The following KCNH8 variants were observed in gnomAD, a reference collection of about 807,000 sequenced individuals.
KCNH8 encodes potassium voltage-gated channel subfamily H member 8.
KCNH8 carries 70 observed loss-of-function variants against 103.6 expected under a neutral mutation model. The ratio of observed to expected loss-of-function variants is 0.68; its 90% CI spans 0.56 to 0.82. The LOEUF (loss-of-function observed/expected upper bound fraction) is 0.82, where lower values mean the gene tolerates loss of function less well. Among genes scored for constraint, KCNH8 ranks in the 40% least tolerant of loss-of-function variants. KCNH8 has a pLI of 0.00. For missense variants in KCNH8, 1,217 were observed against 1,329.9 expected (o/e 0.92, Z 1.32); for synonymous variants, 498 against 489.4 (o/e 1.02, Z -0.23).
intron 4 of KCNH8, among the ~76,000 whole-genome samples, chr3:19,343,776 C>T (rs768192101): frequency 7.9e-5 from 12 of 151,994 alleles, no homozygotes; most frequent in Non-Finnish European, 1.6e-4. Context: ...ATCAGACATA[C>T]GAAGTATTCA....
intron 5 of KCNH8, among the ~76,000 whole-genome samples, chr3:19,354,108 C>A (rs1249627394): frequency 1.3e-5 from 2 of 152,152 alleles, no homozygotes; most frequent in African/African-American, 2.4e-5. Flanking sequence ...AGAGCCAAAT[C>A]ATGAGTGAAC....
intron 11 of KCNH8, among the ~76,000 whole-genome samples, chr3:19,475,642 G>C (rs1387674975): frequency 1.3e-5 from 2 of 152,284 alleles, no homozygotes; most frequent in Non-Finnish European, 1.5e-5. Context: ...ACACGAGACT[G>C]TGTAAATAAC....
intron 4 of KCNH8, among the ~76,000 whole-genome samples, 178 bp from the exon 5 acceptor site, chr3:19,347,547 A>T (rs2065744468): frequency 1.3e-5 from 2 of 152,086 alleles, no homozygotes; most frequent in Admixed American, 6.6e-5. Flanking sequence ...TATAACAAAG[A>T]TCTCTGCTCA....
intron 11 of KCNH8, among the ~76,000 whole-genome samples, chr3:19,482,716 TTAAC>T (rs1292176982): frequency 6.6e-6 from 1 of 152,252 alleles, no homozygotes; most frequent in Non-Finnish European, 1.5e-5. Flanking sequence ...TGTCATATTT[TTAAC>T]TATGTCTTCA....
At chr3:19,330,770 C>T (rs569164616) in intron 3 of KCNH8, among the ~76,000 whole-genome samples, 4 of 152,166 alleles carry the variant, frequency 2.6e-5, no homozygotes, top group East Asian at 3.9e-4. Context: ...GCAAATTTTA[C>T]GATATTTTTG....
At chr3:19,348,094 T>G (rs1201521441) in intron 5 of KCNH8, 129 bp downstream of exon 5, 1 of 1,085,574 alleles carries the variant, frequency 9.2e-7, no homozygotes, top group African/African-American at 1.6e-5. Context: ...TTGCAAATTT[T>G]GGAGAAGCAC....
intron 3 of KCNH8, among the ~76,000 whole-genome samples, chr3:19,342,044 A>G (rs1260041335): frequency 6.6e-6 from 1 of 152,126 alleles, no homozygotes; most frequent in East Asian, 1.9e-4. Flanking sequence ...TAAAATTAAT[A>G]AGGTTAGTTA....
Position 19,513,144 on chromosome 3 carries a change from A to G in KCNH8, c.2254A>G (p.Ser752Gly). 6.2e-7 allele frequency: 1 copy of G among 1,614,034 alleles called. No homozygotes were observed. The highest frequency in any genetic ancestry group is 8.5e-7 in the Non-Finnish European group (1 of 1,179,950). ...VGSNKAYLGL[S>G]LKQLASGTVP... ...AAGCAATAAAGCCTACCTGGGCTTA[A>G]GCTTAAAGCAACTGGCCTCGGGAAC... is the stretch of plus-strand genomic sequence containing the variant. Residue 752 changes from serine (S) to glycine (G), a missense_variant, in exon 13 of 16, where the codon AGC becomes GGC. Coordinates refer to ENST00000328405, the MANE Select transcript of KCNH8 (RefSeq NM_144633.3).
rs574516930 is a variant in KCNH8 at position 19,411,763 on chromosome 3, CCACACACACACAGACACACACA to C, written c.1177+16468_1177+16489del. Among the ~76,000 whole-genome samples, 244 of 150,302 alleles carry C rather than the reference CCACACACACACAGACACACACA, an allele frequency of 1.6e-3. 1 individual carries two copies. The highest frequency in any genetic ancestry group is 3.3e-3 in the Non-Finnish European group (222 of 67,286). On this transcript the variant is annotated intron_variant, in intron 7 of 15. Transcript: ENST00000328405. ...AAGAACACAATCCCATTAACCGTAG[CCACACACACACAGACACACACA>C]CACACACACACAGACTACGAATACA...
chr3:19,434,708 T>G (rs1314908487), intron 7 of KCNH8, among the ~76,000 whole-genome samples: 1 of 152,214 alleles, frequency 6.6e-6, no homozygotes, highest in East Asian at 1.9e-4. Context: ...GAGTATTTTT[T>G]TATGCTTGGA....
At position 19,533,840 on chromosome 3, in the gene KCNH8, C is replaced by G. The variant is rs1001495442; in HGVS notation, c.3065C>G (p.Pro1022Arg). The G allele has an allele frequency of 6.2e-6, 10 of 1,614,150 alleles. No homozygotes were observed. Among genetic ancestry groups the G allele is most frequent in the Non-Finnish European group, 7.6e-6 (9 of 1,180,016 alleles). Residue 1022 changes from proline (P) to arginine (R), a missense_variant, in exon 16 of 16, where the codon CCT becomes CGT. Pro to Arg is a moderately radical substitution (Grantham distance 103). Coordinates refer to ENST00000328405, the MANE Select transcript of KCNH8 (RefSeq NM_144633.3). ...ISPHSDSTLT[P>R]LQSISATLSS... ...CCACATTCAGATTCTACGTTGACGCCTCTGCAGTCCATTTCAGCAACTCTC... is the reference window on the plus strand; with the variant it reads ...CCACATTCAGATTCTACGTTGACGCGTCTGCAGTCCATTTCAGCAACTCTC...
At chr3:19,402,802 T>C in intron 7 of KCNH8, among the ~76,000 whole-genome samples, 1 of 151,864 alleles carries the variant, frequency 6.6e-6, no homozygotes, top group East Asian at 1.9e-4. Flanking sequence ...AAAGACATTC[T>C]GAAATCAGTC....
In KCNH8 at chr3:19,303,952, C is replaced by CT. The variant is rs1391021445; in HGVS notation, c.442+22629dup. 1.1e-4 allele frequency among the ~76,000 whole-genome samples: 17 copies of CT among 152,186 alleles called. No individual in the cohort carries two copies. In the South Asian group the frequency reaches 3.5e-3, roughly 32 times the overall value. ...GGACCACAGACTATCCAATGCATCA[C>CT]TTTTTTGCAGAAAGGTTGAGTCCTA... On this transcript the variant is annotated intron_variant, in intron 3 of 15. Transcript: ENST00000328405.
At chr3:19,424,033 G>A (rs2066990032) in intron 7 of KCNH8, among the ~76,000 whole-genome samples, 1 of 152,016 alleles carries the variant, frequency 6.6e-6, no homozygotes, top group Admixed American at 6.6e-5. Flanking sequence ...TGACCATATT[G>A]CCAAAGGCAG....
chr3:19,476,160 A>G (rs1290204557), intron 11 of KCNH8, among the ~76,000 whole-genome samples: 1 of 152,158 alleles, frequency 6.6e-6, no homozygotes, highest in African/African-American at 2.4e-5. Context: ...ATGACCCTCT[A>G]TTAGCCCTCT....
At chr3:19,272,444 C>T (rs568696003) in intron 2 of KCNH8, among the ~76,000 whole-genome samples, 67 of 152,232 alleles carry the variant, frequency 4.4e-4, no homozygotes, top group African/African-American at 1.5e-3. Context: ...ATCACCGGAT[C>T]AGCCAAAGTT....
intron 15 of KCNH8, among the ~76,000 whole-genome samples, chr3:19,527,591 G>C (rs1181895516): frequency 6.6e-6 from 1 of 152,058 alleles, no homozygotes; most frequent in African/African-American, 2.4e-5. Flanking sequence ...AGATACTCCG[G>C]AAATGTAGGG....
intron 5 of KCNH8, among the ~76,000 whole-genome samples, chr3:19,383,403 A>G (rs6771369): frequency 0.79 from 118,980 of 151,456 alleles, 47,574 homozygotes; most frequent in African/African-American, 0.95. Flanking sequence ...TGAGACTGGA[A>G]TCTCACTCTG....
intron 1 of KCNH8, among the ~76,000 whole-genome samples, chr3:19,197,738 A>G (rs1046592330): frequency 6.6e-6 from 1 of 151,946 alleles, no homozygotes; most frequent in African/African-American, 2.4e-5. Flanking sequence ...ACATAAGTTA[A>G]TACATGTCGA....
Sources: allele counts gnomAD v4.1 joint callset (sites outside exome capture counted in the v4.1 genomes callset), GRCh38; gene constraint gnomAD v4.1.1; transcripts MANE v1.5; gene names NCBI Gene and HGNC (gene_info 2026-07-23, HGNC 2026-07-21).